ZBTB8A: variants seen among roughly 807,000 people sequenced by gnomAD.
The protein encoded by ZBTB8A is zinc finger and BTB domain containing 8A.
Under a neutral mutation model 37.8 loss-of-function variants are expected in ZBTB8A, and 19 were observed. The observed-to-expected ratio is 0.50, with a 90% CI of 0.35 to 0.74. The LOEUF is 0.74. ZBTB8A is among the 30% of genes least tolerant of loss of function. The pLI, the probability that ZBTB8A is intolerant of heterozygous loss-of-function variation, is 0.01. For missense variants in ZBTB8A, 394 were observed against 537.8 expected (o/e 0.73, Z 2.65); for synonymous variants, 181 against 185.2 (o/e 0.98, Z 0.19).
chr1:32,573,120 G>C (rs547850531), intron 2 of ZBTB8A, among the ~76,000 whole-genome samples: 69 of 146,262 alleles, frequency 4.7e-4, no homozygotes, highest in African/African-American at 1.7e-3. Flanking sequence ...ACCCAGGCTG[G>C]AGTGCAGTGG....
At position 32,593,323 on chromosome 1, in the gene ZBTB8A, G is replaced by A. The variant is rs759268866; in HGVS notation, c.392G>A (p.Arg131His). 40 of 1,613,976 alleles carry A rather than the reference G, an allele frequency of 2.5e-5. No individual in the cohort carries two copies. The highest frequency in any genetic ancestry group is 3.1e-5 in the Non-Finnish European group (37 of 1,180,030). Reference protein sequence around the residue: ...SLDISEKEKDRYFSLSDKDAN... With the variant: ...SLDISEKEKDHYFSLSDKDAN... ...GACATTAGTGAGAAAGAAAAAGATC[G>A]CTATTTCAGTCTCTCAGATAAAGAT... The change falls in exon 3 of 5, where the codon CGC (arginine) becomes CAC (histidine). Residue 131 changes from arginine (R) to histidine (H), a missense_variant. By Grantham distance (29) the Arg-to-His change is conservative. Coordinates refer to ENST00000373510, the MANE Select transcript of ZBTB8A (RefSeq NM_001040441.3).
At chr1:32,588,613 A>G (rs773837450) in intron 2 of ZBTB8A, among the ~76,000 whole-genome samples, 5 of 152,058 alleles carry the variant, frequency 3.3e-5, no homozygotes, top group Admixed American at 6.6e-5. Context: ...GATGAAGACA[A>G]TGATCAACTG....
rs1222650393 is a variant in ZBTB8A, at chr1:32,551,415, C to T, written c.-83-2044C>T. Among the ~76,000 whole-genome samples the T allele has an allele frequency of 2.8e-5, 4 of 144,496 alleles. No individual in the cohort carries two copies. In the East Asian group the frequency reaches 7.8e-4, roughly 28 times the overall value. 94.8% of individuals were successfully genotyped at this position (144,496 alleles called of 152,430 possible). Reference sequence around the variant, plus strand: ...CCAGCCTGAGTGACAGAGTGAGACTCTCTCTCAAAAAAAAAAGTGCTGGGT... The same window carrying T: ...CCAGCCTGAGTGACAGAGTGAGACTTTCTCTCAAAAAAAAAAGTGCTGGGT... On this transcript the variant is annotated intron_variant, in intron 1 of 4. Transcript: ENST00000373510.
Position 32,569,040 on chromosome 1 carries a change from A to G in ZBTB8A, c.-2+15500A>G, listed in dbSNP as rs79972876. 5.0e-3 allele frequency among the ~76,000 whole-genome samples: 767 copies of G among 152,212 alleles called. 9 individuals carry two copies. The highest frequency in any genetic ancestry group is 0.043 in the East Asian group (224 of 5,178). On this transcript the variant is annotated intron_variant, in intron 2 of 4. Transcript: ENST00000373510. ...ATAACTTTATTAGAACTGCTAAATA[A>G]TTTTCCAAAGTGACTGTAGCATTTT...
intron 2 of ZBTB8A, among the ~76,000 whole-genome samples, chr1:32,582,431 T>A (rs915542364): frequency 2.0e-5 from 3 of 152,154 alleles, no homozygotes; most frequent in African/African-American, 7.2e-5. Flanking sequence ...GCGGATCACC[T>A]GAGGTCAGGA....
chr1:32,595,114 C>G lies in ZBTB8A; in HGVS notation c.884C>G (p.Ala295Gly), dbSNP rs1003945105. ...PYCTHVVKRK[A>G]DLKRHLRCHT... is the part of the protein sequence containing the mutation. ...TGCACACATGTGGTGAAGCGGAAGG[C>G]AGACCTAAAGCGCCACCTTCGTTGT... The change falls in exon 4 of 5, where the codon GCA (alanine) becomes GGA (glycine). Residue 295 changes from alanine to glycine, a missense_variant. Ala to Gly is a moderately conservative substitution (Grantham distance 60). This residue lies in a region of ZBTB8A where 42 missense variants were observed against 96.4 expected (regional missense o/e 0.44). Transcript: ENST00000373510. 3.1e-6 allele frequency: 5 copies of G among 1,614,100 alleles called. No individual in the cohort carries two copies. In the Admixed American group the frequency reaches 6.7e-5, roughly 22 times the overall value.
intron 2 of ZBTB8A, among the ~76,000 whole-genome samples, chr1:32,578,380 T>C (rs1386820846): frequency 6.6e-6 from 1 of 151,876 alleles, no homozygotes; most frequent in Non-Finnish European, 1.5e-5. Context: ...TCCAGCCTAA[T>C]TTTTGTATTT....
chr1:32,595,284 T>G (rs1050335435), intron 4 of ZBTB8A, 61 bp downstream of exon 4: 386 of 1,559,208 alleles, frequency 2.5e-4, no homozygotes, highest in Middle Eastern at 3.7e-4. Context: ...TTTTGTTTTT[T>G]TGAGATGGAG....
intron 4 of ZBTB8A, among the ~76,000 whole-genome samples, chr1:32,599,039 C>A (rs1452093062): frequency 6.6e-6 from 1 of 152,090 alleles, no homozygotes; most frequent in African/African-American, 2.4e-5. Flanking sequence ...CCAACCCTTC[C>A]AATCCCTGTG....
At chr1:32,578,646 G>A (rs374344115) in intron 2 of ZBTB8A, among the ~76,000 whole-genome samples, 1 of 151,572 alleles carries the variant, frequency 6.6e-6, no homozygotes, top group African/African-American at 2.4e-5. Flanking sequence ...TTCATTTCTA[G>A]ATCTGTTTCT....
At position 32,601,096 on chromosome 1, in the gene ZBTB8A, A is replaced by G. The variant is rs921947712; in HGVS notation, c.*677A>G. ...GAGGCTGGCCAAAGATTATATACAG[A>G]TATTTTCTTAAAGCAGGAAACTAAT... On this transcript the variant is annotated 3_prime_UTR_variant, in exon 5 of 5. Coordinates refer to ENST00000373510, the MANE Select transcript of ZBTB8A (RefSeq NM_001040441.3). 1.3e-5 allele frequency: 2 copies of G among 151,924 alleles called. No homozygotes were observed. Among genetic ancestry groups the G allele is most frequent in the African/African-American group, 4.8e-5 (2 of 41,350 alleles). The allele number at this position is 151,924 out of a possible 1,614,324, so 9.4% of individuals were successfully genotyped here.
intron 1 of ZBTB8A, among the ~76,000 whole-genome samples, chr1:32,540,901 C>T (rs1644047654): frequency 6.6e-6 from 1 of 152,154 alleles, no homozygotes; most frequent in African/African-American, 2.4e-5. Context: ...GGATTGTGCT[C>T]TAAAATGTCA....
chr1:32,564,519 C>G (rs1644265243), intron 2 of ZBTB8A, among the ~76,000 whole-genome samples: 1 of 152,120 alleles, frequency 6.6e-6, no homozygotes, highest in Non-Finnish European at 1.5e-5. Context: ...ATGAAATTCC[C>G]TCTCTAGAAT....
chr1:32,581,994 A>G (rs1317655587), intron 2 of ZBTB8A, among the ~76,000 whole-genome samples: 3 of 152,088 alleles, frequency 2.0e-5, no homozygotes, highest in Non-Finnish European at 2.9e-5. Flanking sequence ...ACAATTCAAG[A>G]TGAGATTTTG....
chr1:32,552,952 T>A (rs1456447584), intron 1 of ZBTB8A, among the ~76,000 whole-genome samples: 1 of 148,884 alleles, frequency 6.7e-6, no homozygotes, highest in African/African-American at 2.4e-5. Context: ...TATATTAATA[T>A]TAATTATTAA....
intron 2 of ZBTB8A, among the ~76,000 whole-genome samples, chr1:32,561,270 T>G (rs572508948): frequency 6.6e-6 from 1 of 152,252 alleles, no homozygotes; most frequent in South Asian, 2.1e-4. Context: ...TTCCTCTTCT[T>G]TTTTTCTGAG....
chr1:32,543,743 C>T (rs1644077491), intron 1 of ZBTB8A, among the ~76,000 whole-genome samples: 1 of 152,144 alleles, frequency 6.6e-6, no homozygotes, highest in South Asian at 2.1e-4. Flanking sequence ...ATGGCGCGAT[C>T]TCGGCTCACT....
chr1:32,540,885 C>T (rs1644047495), intron 1 of ZBTB8A, among the ~76,000 whole-genome samples: 1 of 152,138 alleles, frequency 6.6e-6, no homozygotes, highest in Admixed American at 6.5e-5. Flanking sequence ...AAATGGGTGT[C>T]TGGGTGGATT....
At chr1:32,541,332 C>T (rs1644051408) in intron 1 of ZBTB8A, among the ~76,000 whole-genome samples, 1 of 152,150 alleles carries the variant, frequency 6.6e-6, no homozygotes, top group Non-Finnish European at 1.5e-5. Context: ...TATCCCATTG[C>T]TTCCCCCATG....
Sources: allele counts gnomAD v4.1 joint callset (sites outside exome capture counted in the v4.1 genomes callset), GRCh38; gene constraint gnomAD v4.1.1; regional missense constraint gnomAD v4.1.1; transcripts MANE v1.5; gene names NCBI Gene and HGNC (gene_info 2026-07-23, HGNC 2026-07-21).